INPP5F: variants seen among roughly 807,000 people sequenced by gnomAD.
The protein encoded by INPP5F is inositol polyphosphate-5-phosphatase F.
In INPP5F, 97 loss-of-function variants were observed where a neutral mutation model predicts 137.2. The ratio of observed to expected loss-of-function variants is 0.71; its 90% CI spans 0.60 to 0.84. INPP5F has a LOEUF of 0.84. INPP5F is among the 40% of genes least tolerant of loss of function. INPP5F has a pLI of 0.00. For missense variants in INPP5F, 1,271 were observed against 1,371.9 expected, an observed-to-expected ratio of 0.93 and a Z score of 1.16; for synonymous variants, 504 against 476.9, an observed-to-expected ratio of 1.06 and a Z score of -0.74.
intron 1 of INPP5F, among the ~76,000 whole-genome samples, chr10:119,731,074 A>G (rs1848050226): frequency 6.6e-6 from 1 of 152,174 alleles, no homozygotes; most frequent in South Asian, 2.1e-4. Context: ...GGCATGAGCC[A>G]CCGCGCCTGG....
intron 16 of INPP5F, 109 bp from the exon 17 acceptor site, chr10:119,822,322 G>A: frequency 3.8e-6 from 2 of 533,224 alleles, no homozygotes; most frequent in Non-Finnish European, 3.4e-6. Context: ...ATGTGCTGTG[G>A]AAGATTTTGT....
chr10:119,730,507 A>G (rs1204861335), intron 1 of INPP5F, among the ~76,000 whole-genome samples: 5 of 152,252 alleles, frequency 3.3e-5, no homozygotes, highest in Non-Finnish European at 7.3e-5. Context: ...TAAGAATTGT[A>G]ATTTGAAGAT....
chr10:119,745,354 CT>C (rs769205900), intron 1 of INPP5F, among the ~76,000 whole-genome samples: 1,682 of 148,852 alleles, frequency 0.011, 36 homozygotes, highest in African/African-American at 0.039. Context: ...GTTATTTTTT[CT>C]TTTTTTTTTC....
intron 12 of INPP5F, 61 bp downstream of exon 12, chr10:119,806,541 TA>T: frequency 6.9e-7 from 1 of 1,442,046 alleles, no homozygotes; most frequent in Admixed American, 2.4e-5. Context: ...TTTCCATGAG[TA>T]AGCAAATAGC....
intron 2 of INPP5F, among the ~76,000 whole-genome samples, chr10:119,771,959 G>A (rs188044162): frequency 1.6e-5 from 2 of 128,684 alleles, no homozygotes; most frequent in East Asian, 2.5e-4. Flanking sequence ...GCAGTGGCGC[G>A]ATCTCGGCTC....
At chr10:119,807,822 T>C (rs969430642) in intron 12 of INPP5F, 110 bp from the exon 13 acceptor site, 4 of 1,043,436 alleles carry the variant, frequency 3.8e-6, no homozygotes, top group Non-Finnish European at 5.5e-6. Context: ...ATTTCTCTTA[T>C]TTAAGGGTCC....
intron 1 of INPP5F, among the ~76,000 whole-genome samples, chr10:119,746,958 T>A (rs2134118443): frequency 6.6e-6 from 1 of 152,122 alleles, no homozygotes; most frequent in Non-Finnish European, 1.5e-5. Context: ...TCAGCTAATT[T>A]TTGTATTTTT....
chr10:119,755,805 C>G (rs1384146187), intron 2 of INPP5F, among the ~76,000 whole-genome samples: 1 of 152,162 alleles, frequency 6.6e-6, no homozygotes, highest in Non-Finnish European at 1.5e-5. Flanking sequence ...GCTCATGGTT[C>G]CTTGACACAG....
At chr10:119,783,617 T>C (rs1221773910) in intron 3 of INPP5F, among the ~76,000 whole-genome samples, 2 of 152,188 alleles carry the variant, frequency 1.3e-5, no homozygotes, top group African/African-American at 4.8e-5. Context: ...AAAACCAAGA[T>C]GGCTTTAGGA....
chr10:119,799,227 T>C, intron 9 of INPP5F: 1 of 336,892 alleles, frequency 3.0e-6, no homozygotes, highest in Non-Finnish European at 5.9e-6. Flanking sequence ...TAATAGTAAT[T>C]CTGTTATCCA....
At chr10:119,788,270 T>G (rs754508867) in intron 3 of INPP5F, among the ~76,000 whole-genome samples, 1 of 151,958 alleles carries the variant, frequency 6.6e-6, no homozygotes, top group African/African-American at 2.4e-5. Context: ...GTCTTGAGAT[T>G]AGGGGAAAAG....
rs537166821 is a variant in INPP5F at position 119,758,826 on chromosome 10, T to G, written c.178+7670T>G. 2.7e-4 allele frequency among the ~76,000 whole-genome samples: 41 copies of G among 152,352 alleles called. No individual in the cohort carries two copies. The South Asian group carries it at 8.1e-3, about 30-fold the overall frequency. On this transcript the variant is annotated intron_variant, in intron 2 of 19. Transcript: ENST00000650623. ...TCGCCATCTGCTGTTCCTCCACTTTTGTAGTGGTGACGATGTCTCAGTCAT... is the reference window on the plus strand; with the variant it reads ...TCGCCATCTGCTGTTCCTCCACTTTGGTAGTGGTGACGATGTCTCAGTCAT...
intron 3 of INPP5F, among the ~76,000 whole-genome samples, chr10:119,785,686 C>G (rs1849884471): frequency 1.3e-5 from 2 of 152,096 alleles, no homozygotes; most frequent in African/African-American, 4.8e-5. Context: ...TAGCAAGACC[C>G]TGTCTCTATG....
intron 2 of INPP5F, among the ~76,000 whole-genome samples, chr10:119,761,264 C>G (rs945789762): frequency 3.9e-5 from 6 of 152,142 alleles, no homozygotes; most frequent in African/African-American, 1.2e-4. Context: ...CCCTATGAGT[C>G]ATTGTCAGTT....
intron 2 of INPP5F, among the ~76,000 whole-genome samples, chr10:119,755,218 G>A (rs1848805418): frequency 6.6e-6 from 1 of 152,162 alleles, no homozygotes; most frequent in Non-Finnish European, 1.5e-5. Context: ...CCAGCTGGGT[G>A]GCTTAAACAA....
chr10:119,818,136 C>T (rs1185862472), intron 15 of INPP5F, among the ~76,000 whole-genome samples: 1 of 152,236 alleles, frequency 6.6e-6, no homozygotes, highest in African/African-American at 2.4e-5. Flanking sequence ...CAGCTCTGTC[C>T]GGGCTACCTT....
intron 1 of INPP5F, among the ~76,000 whole-genome samples, chr10:119,739,054 G>A (rs996214473): frequency 6.6e-6 from 1 of 151,944 alleles, no homozygotes; most frequent in African/African-American, 2.4e-5. Flanking sequence ...GCATCATGGC[G>A]TGTGCCTGTA....
chr10:119,813,760 G>A (rs143401855), intron 15 of INPP5F, among the ~76,000 whole-genome samples: 18 of 152,270 alleles, frequency 1.2e-4, no homozygotes, highest in African/African-American at 3.8e-4. Flanking sequence ...GCTTGGGGAC[G>A]CTGAGTTTGG....
intron 9 of INPP5F, chr10:119,799,172 G>T (rs1265914202): frequency 9.0e-6 from 2 of 222,228 alleles, no homozygotes; most frequent in Non-Finnish European, 1.8e-5. Context: ...CTGAAAACTG[G>T]TAGGTGAGAT....
Sources: allele counts gnomAD v4.1 joint callset (sites outside exome capture counted in the v4.1 genomes callset), GRCh38; gene constraint gnomAD v4.1.1; transcripts MANE v1.5; gene names NCBI Gene and HGNC (gene_info 2026-07-23, HGNC 2026-07-21).